The following ANK2 variants were observed in gnomAD, a reference collection of about 807,000 sequenced individuals.
ANK2 encodes the protein ankyrin 2, also known as ankyrin-2.
A neutral mutation model predicts 360.5 loss-of-function variants in ANK2; 83 were observed. That is an observed-to-expected ratio of 0.23 (90% CI 0.19 to 0.28). The LOEUF (loss-of-function observed/expected upper bound fraction) is 0.28, where lower values mean the gene tolerates loss of function less well. ANK2 is among the 10% of genes least tolerant of loss of function. ANK2 has a pLI of 1.00. For missense variants in ANK2, 4,201 were observed against 4,795.7 expected (o/e 0.88, Z 3.66); for synonymous variants, 1,740 against 1,759.5 (o/e 0.99, Z 0.28).
intron 41 of ANK2, among the ~76,000 whole-genome samples, chr4:113,366,391 C>CTT (rs58588518): frequency 0.084 from 9,080 of 108,110 alleles, 453 homozygotes; most frequent in Middle Eastern, 0.1. Flanking sequence ...TTCTTGCTTC[C>CTT]TTTTTTTTTT....
chr4:112,866,506 T>C (rs2070609636), intron 1 of ANK2, among the ~76,000 whole-genome samples: 1 of 152,222 alleles, frequency 6.6e-6, no homozygotes, highest in African/African-American at 2.4e-5. Context: ...AAGACAGCAT[T>C]GTTCCTTTTT....
chr4:113,381,372 C>T, intron 45 of ANK2, 85 bp from the exon 46 acceptor site: 1 of 1,401,208 alleles, frequency 7.1e-7, no homozygotes, highest in Non-Finnish European at 1.0e-6. Flanking sequence ...ACATTAGGTA[C>T]TCAGTGTAAT....
intron 2 of ANK2, among the ~76,000 whole-genome samples, chr4:113,189,040 A>C (rs2098602795): frequency 6.6e-6 from 1 of 152,166 alleles, no homozygotes; most frequent in African/African-American, 2.4e-5. Flanking sequence ...AGTATTAATA[A>C]AATTTGACCA....
chr4:112,857,675 C>T (rs1186578466), intron 1 of ANK2, among the ~76,000 whole-genome samples: 1 of 152,168 alleles, frequency 6.6e-6, no homozygotes, highest in East Asian at 1.9e-4. Flanking sequence ...TGAGTCACCT[C>T]CTACTGATTA....
At chr4:113,291,032 C>T (rs12650475) in intron 20 of ANK2, among the ~76,000 whole-genome samples, 110,618 of 152,166 alleles carry the variant, frequency 0.73, 40,528 homozygotes, top group East Asian at 0.79. Flanking sequence ...AGGGCAAGAA[C>T]GTTGCTTTGG....
rs767811490 is a variant in ANK2 at position 113,357,262 on chromosome 4, A to C, written c.8644A>C (p.Thr2882Pro). The C allele has an allele frequency of 6.2e-7, 1 of 1,614,094 alleles. No homozygotes were observed. Among genetic ancestry groups the C allele is most frequent in the South Asian group, 1.1e-5 (1 of 91,088 alleles). The change falls in exon 38 of 46, where the codon ACA (threonine) becomes CCA (proline). Residue 2882 changes from threonine to proline, a missense_variant. Physicochemically the swap from Thr to Pro is conservative, Grantham distance 38. Transcript: ENST00000357077. ...AACAGAGGTCACAAAAACTGATGAA[A>C]CATTTGAGAACTTACCAAAGGACTG... is the stretch of plus-strand genomic sequence containing the variant. ...QKTEVTKTDETFENLPKDCPS... is the reference protein window; with the variant it reads ...QKTEVTKTDEPFENLPKDCPS...
intron 1 of ANK2, among the ~76,000 whole-genome samples, chr4:113,137,003 C>A (rs1280345551): frequency 6.6e-6 from 1 of 152,020 alleles, no homozygotes; most frequent in African/African-American, 2.4e-5. Context: ...AGTGATCCAC[C>A]CGCCTTGGCC....
chr4:113,362,769 ATAG>A (rs921399744), intron 39 of ANK2, among the ~76,000 whole-genome samples: 3 of 152,166 alleles, frequency 2.0e-5, no homozygotes, highest in African/African-American at 7.2e-5. Flanking sequence ...TGGAAGGTTA[ATAG>A]TAGAATTCAA....
intron 1 of ANK2, among the ~76,000 whole-genome samples, chr4:113,146,438 C>T (rs1268421060): frequency 1.3e-5 from 2 of 152,148 alleles, no homozygotes; most frequent in African/African-American, 2.4e-5. Context: ...CCCTTAGTAT[C>T]CCAGCTCCAG....
At chr4:113,336,874 C>A in intron 31 of ANK2, 93 bp downstream of exon 31, 1 of 1,224,800 alleles carries the variant, frequency 8.2e-7, no homozygotes, top group Non-Finnish European at 1.2e-6. Flanking sequence ...AAGATGTCTG[C>A]AGGGTCATAT....
At chr4:112,989,327 T>C (rs1159332379) in intron 2 of ANK2, among the ~76,000 whole-genome samples, 2 of 152,214 alleles carry the variant, frequency 1.3e-5, no homozygotes, top group Non-Finnish European at 2.9e-5. Flanking sequence ...AGGACAATTA[T>C]GTTGTAAAAT....
chr4:113,012,087 A>G (rs910774847), intron 2 of ANK2, among the ~76,000 whole-genome samples: 1 of 152,086 alleles, frequency 6.6e-6, no homozygotes, highest in Non-Finnish European at 1.5e-5. Flanking sequence ...ATGCCTTTAC[A>G]CTTGATCCTC....
chr4:112,957,968 C>T (rs2031537625), intron 2 of ANK2, among the ~76,000 whole-genome samples: 1 of 148,040 alleles, frequency 6.8e-6, no homozygotes, highest in Admixed American at 6.7e-5. Flanking sequence ...GGCGGCGGGG[C>T]AGAGGCGCTC....
intron 13 of ANK2, among the ~76,000 whole-genome samples, chr4:113,263,332 T>C (rs1409446195): frequency 6.6e-6 from 1 of 152,200 alleles, no homozygotes; most frequent in East Asian, 1.9e-4. Flanking sequence ...AAGATAAATA[T>C]TAGCATTCCA....
intron 2 of ANK2, among the ~76,000 whole-genome samples, chr4:112,958,169 G>C (rs373342349): frequency 1.3e-4 from 19 of 149,830 alleles, no homozygotes; most frequent in South Asian, 2.1e-4. Flanking sequence ...CAGGCAGAGA[G>C]GCTCCTCACT....
intron 5 of ANK2, 42 bp from the exon 6 acceptor site, chr4:113,236,945 C>A: frequency 6.3e-7 from 1 of 1,588,734 alleles, no homozygotes. Flanking sequence ...TCTCTAGCAT[C>A]TGAAGATGTT....
chr4:112,870,912 A>G (rs771211747), intron 1 of ANK2, among the ~76,000 whole-genome samples: 1 of 152,238 alleles, frequency 6.6e-6, no homozygotes, highest in Non-Finnish European at 1.5e-5. Context: ...CTTCCAATAC[A>G]TAAACATGGA....
intron 1 of ANK2, among the ~76,000 whole-genome samples, chr4:113,171,769 C>G (rs2097963225): frequency 1.3e-5 from 2 of 152,152 alleles, no homozygotes; most frequent in African/African-American, 4.8e-5. Flanking sequence ...GTTATGAAAA[C>G]TTTTTGTTAC....
intron 2 of ANK2, among the ~76,000 whole-genome samples, chr4:113,188,459 GAAACTTCTTTTGGTCCCCTAAGA>G (rs1173468897): frequency 2.0e-5 from 3 of 152,070 alleles, no homozygotes; most frequent in Non-Finnish European, 2.9e-5. Flanking sequence ...CTTATAGGGG[GAAACTTCTTTTGGTCCCCTAAGA>G]AAATACATCT....
Sources: allele counts gnomAD v4.1 joint callset (sites outside exome capture counted in the v4.1 genomes callset), GRCh38; gene constraint gnomAD v4.1.1; transcripts MANE v1.5; gene names NCBI Gene and HGNC (gene_info 2026-07-23, HGNC 2026-07-21).